The following OIT3 variants were observed in gnomAD, a reference collection of about 807,000 sequenced individuals.
OIT3 encodes oncoprotein-induced transcript 3 protein.
In OIT3, 41 loss-of-function variants were observed where a neutral mutation model predicts 52.2. That is an observed-to-expected ratio of 0.79 (90% CI 0.61 to 1.02). The LOEUF is 1.02. Ranked by LOEUF, OIT3 falls within the 50% of genes least tolerant of loss-of-function variation. OIT3 has a pLI of 0.00. For synonymous variants in OIT3, 244 were observed against 276.9 expected (o/e 0.88, Z 1.18); for missense variants, 634 against 715.5 (o/e 0.89, Z 1.30).
chr10:72,916,084 A>C (rs1846070349), intron 6 of OIT3, among the ~76,000 whole-genome samples: 1 of 151,598 alleles, frequency 6.6e-6, no homozygotes, highest in Admixed American at 6.6e-5. Flanking sequence ...AATGAGTTCT[A>C]CTCTCATCGC....
At chr10:72,928,429 T>C (rs1846187561) in intron 7 of OIT3, among the ~76,000 whole-genome samples, 1 of 152,246 alleles carries the variant, frequency 6.6e-6, no homozygotes. Flanking sequence ...TCCTGGTTTC[T>C]GTTCTGCAAT....
At position 72,924,238 on chromosome 10, in the gene OIT3, G is replaced by A. The variant is rs1447632672; in HGVS notation, c.961G>A (p.Asp321Asn). Residue 321 changes from aspartate (D) to asparagine (N), a missense_variant, in exon 7 of 9, where the codon GAC (aspartate) becomes AAC (asparagine). Coordinates refer to ENST00000334011, the MANE Select transcript of OIT3 (RefSeq NM_152635.3). ...TCGTVVDVVN[D>N]KIVASNLVTG... Reference sequence around the variant, plus strand: ...CCCTGGCCTGGCTCAGGTGGTGAATGACAAGATTGTGGCCAGCAACCTCGT... The same window carrying A: ...CCCTGGCCTGGCTCAGGTGGTGAATAACAAGATTGTGGCCAGCAACCTCGT... 3 of 1,593,558 alleles carry A rather than the reference G, an allele frequency of 1.9e-6. No individual in the cohort carries two copies. In the East Asian group the frequency reaches 6.7e-5, roughly 36 times the overall value.
At chr10:72,906,473 G>T (rs1009698850) in intron 3 of OIT3, 123 bp from the exon 4 acceptor site, 2 of 1,015,996 alleles carry the variant, frequency 2.0e-6, no homozygotes, top group Non-Finnish European at 3.0e-6. Flanking sequence ...TGGATCAGAG[G>T]GGGAGCTGGA....
At chr10:72,894,257 G>A (rs1001312358) in intron 1 of OIT3, among the ~76,000 whole-genome samples, 2 of 152,114 alleles carry the variant, frequency 1.3e-5, no homozygotes, top group East Asian at 3.9e-4. Context: ...CTGTTGCCAT[G>A]GGGGGCACAG....
chr10:72,907,504 A>G (rs927315056), intron 4 of OIT3, among the ~76,000 whole-genome samples: 1 of 152,202 alleles, frequency 6.6e-6, no homozygotes, highest in African/African-American at 2.4e-5. Context: ...TGTGTTTCCC[A>G]AACTTCCCTG....
chr10:72,893,966 T>C (rs2132918029), intron 1 of OIT3, 107 bp downstream of exon 1: 2 of 647,872 alleles, frequency 3.1e-6, no homozygotes, highest in East Asian at 6.2e-5. Context: ...ATGCTAGCTC[T>C]AGAATCTTGT....
At chr10:72,929,249 T>C (rs1846194496) in intron 7 of OIT3, among the ~76,000 whole-genome samples, 1 of 151,762 alleles carries the variant, frequency 6.6e-6, no homozygotes, top group South Asian at 2.1e-4. Context: ...AAGTGGCCTG[T>C]GCATGTGGAG....
intron 4 of OIT3, among the ~76,000 whole-genome samples, chr10:72,909,820 G>A (rs1231070042): frequency 3.3e-5 from 5 of 151,898 alleles, no homozygotes; most frequent in Admixed American, 2.0e-4. Context: ...GGATGGTCTC[G>A]ATCTCCTGAC....
chr10:72,918,139 C>T (rs1846090018), intron 6 of OIT3: 1 of 1,379,818 alleles, frequency 7.2e-7, no homozygotes, highest in East Asian at 2.3e-5. Flanking sequence ...AAGAGTTTCA[C>T]ATCCTCCTCC....
At chr10:72,910,668 G>C (rs1846021330) in intron 4 of OIT3, among the ~76,000 whole-genome samples, 1 of 152,142 alleles carries the variant, frequency 6.6e-6, no homozygotes, top group South Asian at 2.1e-4. Context: ...GAGAGTTATA[G>C]CTATAACTGG....
Position 72,932,617 on chromosome 10 carries a change from G to T in OIT3, c.*93G>T. Reference sequence around the variant, plus strand: ...CTCTAAGAACATCTGCCAACAGCTGGGTTCAGACTTCACACTGTGAGTTCA... The same window carrying T: ...CTCTAAGAACATCTGCCAACAGCTGTGTTCAGACTTCACACTGTGAGTTCA... On this transcript the variant is annotated 3_prime_UTR_variant, in exon 9 of 9. Coordinates refer to ENST00000334011, the MANE Select transcript of OIT3 (RefSeq NM_152635.3). 1 of 1,189,162 alleles carries T rather than the reference G, an allele frequency of 8.4e-7. No homozygotes were observed. Among genetic ancestry groups the T allele is most frequent in the Non-Finnish European group, 1.2e-6 (1 of 854,406 alleles). 73.7% of individuals were successfully genotyped at this position (1,189,162 alleles called of 1,614,324 possible). A position where few individuals can be genotyped will look rare whatever the true frequency, so the allele number is the denominator to read the frequency against.
chr10:72,923,327 C>A (rs1201806823), intron 6 of OIT3, among the ~76,000 whole-genome samples: 1 of 152,250 alleles, frequency 6.6e-6, no homozygotes, highest in Non-Finnish European at 1.5e-5. Context: ...CAGCCTGGCC[C>A]TTCCTCTGAG....
chr10:72,903,487 C>G (rs1845951195), intron 3 of OIT3, among the ~76,000 whole-genome samples: 1 of 152,232 alleles, frequency 6.6e-6, no homozygotes, highest in Admixed American at 6.5e-5. Context: ...CTTGGCCTCC[C>G]AAAGTGCTGG....
intron 1 of OIT3, 141 bp from the exon 2 acceptor site, chr10:72,898,523 A>G (rs1845897126): frequency 2.7e-6 from 2 of 741,768 alleles, no homozygotes; most frequent in Admixed American, 4.9e-5. Context: ...GGAACCTTAA[A>G]CAGCTATTTT....
chr10:72,926,079 C>T (rs1441993978), intron 7 of OIT3, among the ~76,000 whole-genome samples: 1 of 152,222 alleles, frequency 6.6e-6, no homozygotes, highest in East Asian at 1.9e-4. Flanking sequence ...TCATGGGCTT[C>T]TTCCTTGTTC....
intron 6 of OIT3, chr10:72,918,210 A>G: frequency 2.2e-6 from 2 of 906,290 alleles, no homozygotes; most frequent in Non-Finnish European, 3.6e-6. Flanking sequence ...ACTAATATGC[A>G]CTGTCCCTAA....
At chr10:72,899,595 CAAAAAAAAA>C (rs57434990) in intron 2 of OIT3, among the ~76,000 whole-genome samples, 2 of 88,978 alleles carry the variant, frequency 2.2e-5, no homozygotes, top group Admixed American at 1.4e-4. Flanking sequence ...GACTCTGATT[CAAAAAAAAA>C]AAAAAAAGAA....
At chr10:72,897,278 C>G (rs1254106760) in intron 1 of OIT3, among the ~76,000 whole-genome samples, 1 of 152,152 alleles carries the variant, frequency 6.6e-6, no homozygotes, top group African/African-American at 2.4e-5. Flanking sequence ...CCCGCCTCGG[C>G]CCCCCAAAGT....
rs148588946 is a variant in OIT3 at position 72,924,481 on chromosome 10, C to G, written c.1204C>G (p.Pro402Ala). 2 of 1,614,160 alleles carry G rather than the reference C, an allele frequency of 1.2e-6. No individual in the cohort carries two copies. The highest frequency in any genetic ancestry group is 8.5e-7 in the Non-Finnish European group (1 of 1,180,010). ...CTTCAAGGACAATGAGTTTGAAGAG[C>G]CTTACCGGGAAGCTCTGCCCACCCT... ...EIFKDNEFEE[P>A]YREALPTLKL... Residue 402 changes from proline (P) to alanine (A), a missense_variant, in exon 7 of 9, where the codon CCT becomes GCT. By Grantham distance (27) the Pro-to-Ala change is conservative. Transcript: ENST00000334011.
Sources: gnomAD v4.1 joint callset for allele counts (sites outside exome capture counted in the v4.1 genomes callset) on GRCh38, gnomAD v4.1.1 for gene constraint, MANE v1.5 for transcripts, NCBI Gene and HGNC (gene_info 2026-07-23, HGNC 2026-07-21) for gene names.